The following KCNIP4 variants were observed in gnomAD, a reference collection of about 807,000 sequenced individuals.
KCNIP4 encodes Kv channel-interacting protein 4.
A neutral mutation model predicts 34.0 loss-of-function variants in KCNIP4; 12 were observed. The ratio of observed to expected loss-of-function variants is 0.35; its 90% confidence interval spans 0.23 to 0.57. The LOEUF (loss-of-function observed/expected upper bound fraction) is 0.57. Among genes scored for constraint, KCNIP4 ranks in the 20% least tolerant of loss-of-function variants. The probability of loss-of-function intolerance (pLI) is 0.83; values close to 1 mark genes in which losing one functional copy is unlikely to be tolerated. For missense variants in KCNIP4, 238 were observed against 311.7 expected (o/e 0.76, Z 1.78); for synonymous variants, 124 against 102.2 (o/e 1.21, Z -1.29).
chr4:21,079,313 T>C (rs1745799103), intron 1 of KCNIP4, among the ~76,000 whole-genome samples: 1 of 152,166 alleles, frequency 6.6e-6, no homozygotes, highest in African/African-American at 2.4e-5. Context: ...ACTTCCAAAA[T>C]GTAATAAATG....
intron 1 of KCNIP4, among the ~76,000 whole-genome samples, chr4:21,681,859 A>C (rs1027467404): frequency 6.6e-6 from 1 of 151,400 alleles, no homozygotes; most frequent in African/African-American, 2.4e-5. Context: ...AGAGTGAGGG[A>C]GGGGAATGCC....
intron 1 of KCNIP4, among the ~76,000 whole-genome samples, chr4:20,884,837 A>G (rs1489578668): frequency 6.6e-6 from 1 of 151,346 alleles, no homozygotes; most frequent in Non-Finnish European, 1.5e-5. Context: ...AGTAGCTGGG[A>G]TTACAGGTGC....
chr4:21,906,606 A>T (rs1443827490), intron 1 of KCNIP4, among the ~76,000 whole-genome samples: 1 of 152,118 alleles, frequency 6.6e-6, no homozygotes, highest in Non-Finnish European at 1.5e-5. Flanking sequence ...CACAAAGTTC[A>T]GGGTAATTTA....
At chr4:21,425,816 G>A (rs1037428306) in intron 1 of KCNIP4, among the ~76,000 whole-genome samples, 1 of 152,110 alleles carries the variant, frequency 6.6e-6, no homozygotes, top group Non-Finnish European at 1.5e-5. Context: ...TTGGGAGGCC[G>A]AGGCAGTCAG....
chr4:21,631,527 G>A (rs1046266375), intron 1 of KCNIP4, among the ~76,000 whole-genome samples: 20 of 152,148 alleles, frequency 1.3e-4, no homozygotes, highest in Admixed American at 1.2e-3. Flanking sequence ...AAAGGTGGAT[G>A]GAGTTAATGC....
chr4:21,539,732 G>T (rs1450088952), intron 1 of KCNIP4, among the ~76,000 whole-genome samples: 2 of 152,068 alleles, frequency 1.3e-5, no homozygotes, highest in South Asian at 4.1e-4. Context: ...TGTAATCCCA[G>T]CACTTTGGGA....
intron 1 of KCNIP4, among the ~76,000 whole-genome samples, chr4:21,644,380 T>C (rs1411825352): frequency 2.0e-5 from 3 of 152,156 alleles, no homozygotes; most frequent in African/African-American, 7.2e-5. Flanking sequence ...AAGAACTAGA[T>C]TGATGGGAGG....
At chr4:21,436,369 A>T (rs1238917844) in intron 1 of KCNIP4, among the ~76,000 whole-genome samples, 1 of 152,176 alleles carries the variant, frequency 6.6e-6, no homozygotes, top group Non-Finnish European at 1.5e-5. Flanking sequence ...AGGTTGCCTT[A>T]TACTTTGCTT....
In KCNIP4 at chr4:21,180,246, A is replaced by G. The variant is rs140068236; in HGVS notation, c.62-297537T>C. Among the ~76,000 whole-genome samples the G allele has an allele frequency of 7.0e-4, 106 of 152,324 alleles. 1 individual carries two copies. In the Middle Eastern group the frequency reaches 0.014, roughly 20 times the overall value. On this transcript the variant is annotated intron_variant, in intron 1 of 8. Coordinates refer to ENST00000382152, the MANE Select transcript of KCNIP4 (RefSeq NM_025221.6). ...CATAAACAAACACAAAAATGCTCTTAAAGTAATTCCAGATTAATAACATGA... is the reference window on the plus strand; with the variant it reads ...CATAAACAAACACAAAAATGCTCTTGAAGTAATTCCAGATTAATAACATGA...
At chr4:21,546,459 G>A (rs1010352980) in intron 1 of KCNIP4, among the ~76,000 whole-genome samples, 9 of 152,104 alleles carry the variant, frequency 5.9e-5, no homozygotes, top group South Asian at 2.1e-4. Context: ...GATGTAATTC[G>A]AAGAGAGAGA....
chr4:21,179,150 C>A (rs1363296744), intron 1 of KCNIP4, among the ~76,000 whole-genome samples: 1 of 152,172 alleles, frequency 6.6e-6, no homozygotes, highest in African/African-American at 2.4e-5. Context: ...TTCCTTCTCC[C>A]TTTTCATCTT....
At chr4:21,131,354 A>G (rs1296738845) in intron 1 of KCNIP4, among the ~76,000 whole-genome samples, 1 of 152,166 alleles carries the variant, frequency 6.6e-6, no homozygotes, top group Admixed American at 6.5e-5. Context: ...CAAAAAAGCA[A>G]TCTCTTCTTT....
chr4:20,823,883 C>T (rs1425030354), intron 3 of KCNIP4, among the ~76,000 whole-genome samples: 3 of 152,104 alleles, frequency 2.0e-5, no homozygotes, highest in East Asian at 3.9e-4. Context: ...TGGGAGGAGT[C>T]GGAATGGAAA....
chr4:20,951,570 C>A (rs1732793069), intron 1 of KCNIP4, among the ~76,000 whole-genome samples: 2 of 152,126 alleles, frequency 1.3e-5, no homozygotes, highest in South Asian at 4.1e-4. Flanking sequence ...TGCTATTCCC[C>A]CTCCCCACAC....
chr4:20,982,700 C>A (rs1349941043), intron 1 of KCNIP4, among the ~76,000 whole-genome samples: 4 of 152,178 alleles, frequency 2.6e-5, no homozygotes, highest in Admixed American at 2.0e-4. Context: ...CATTGGCCAT[C>A]ATTAACATAT....
At chr4:21,415,594 CA>C (rs1409020070) in intron 1 of KCNIP4, among the ~76,000 whole-genome samples, 1 of 151,358 alleles carries the variant, frequency 6.6e-6, no homozygotes, top group Non-Finnish European at 1.5e-5. Context: ...CCCAACTATT[CA>C]GGAGGCTGAG....
Position 21,025,543 on chromosome 4 carries a change from GTTTTTTTT to G in KCNIP4, c.62-142842_62-142835del, listed in dbSNP as rs772689134. ...TGCAAAAAGGTCACTCATTGATACT[GTTTTTTTT>G]TTTTTTTTTTTTTTTTTTTTGAGAC... On this transcript the variant is annotated intron_variant, in intron 1 of 8. Coordinates refer to ENST00000382152, the MANE Select transcript of KCNIP4 (RefSeq NM_025221.6). 7.2e-4 allele frequency among the ~76,000 whole-genome samples: 25 copies of G among 34,782 alleles called. No homozygotes were observed. The East Asian group carries it at 0.024, about 34-fold the overall frequency. 22.8% of individuals were successfully genotyped at this position (34,782 alleles called of 152,430 possible). A position where few individuals can be genotyped will look rare whatever the true frequency, so the allele number is the denominator to read the frequency against.
intron 1 of KCNIP4, among the ~76,000 whole-genome samples, chr4:20,904,243 G>T (rs1577343043): frequency 6.6e-6 from 1 of 151,614 alleles, no homozygotes; most frequent in East Asian, 1.9e-4. Context: ...AGAATCCAGG[G>T]AAATTTTTTA....
At chr4:21,883,092 A>G (rs1408750911) in intron 1 of KCNIP4, among the ~76,000 whole-genome samples, 1 of 152,110 alleles carries the variant, frequency 6.6e-6, no homozygotes, top group African/African-American at 2.4e-5. Context: ...TAGATGTCAA[A>G]GAAAGGCAAA....
Sources: gnomAD v4.1 joint callset for allele counts (sites outside exome capture counted in the v4.1 genomes callset) on GRCh38, gnomAD v4.1.1 for gene constraint, MANE v1.5 for transcripts, NCBI Gene and HGNC (gene_info 2026-07-23, HGNC 2026-07-21) for gene names.